The following CHODL variants were observed in gnomAD, a reference collection of about 807,000 sequenced individuals.
The protein encoded by CHODL is transmembrane protein MT75.
Under a neutral mutation model 34.5 loss-of-function variants are expected in CHODL, and 29 were observed. That is an observed-to-expected ratio of 0.84 (90% CI 0.63 to 1.15). The LOEUF is 1.15. Among genes scored for constraint, CHODL ranks in the 50% most tolerant of loss-of-function variants. The probability of loss-of-function intolerance (pLI) is 0.00; values close to 1 mark genes in which losing one functional copy is unlikely to be tolerated. For missense variants in CHODL, 332 were observed against 332.5 expected, an observed-to-expected ratio of 1.00 and a Z score of 0.01; for synonymous variants, 125 against 116.1, an observed-to-expected ratio of 1.08 and a Z score of -0.49.
intron 2 of CHODL, among the ~76,000 whole-genome samples, chr21:18,192,127 A>G (rs531403224): frequency 6.6e-6 from 1 of 152,288 alleles, no homozygotes; most frequent in Non-Finnish European, 1.5e-5. Flanking sequence ...CCTTCTCAAC[A>G]CAAGCTTATG....
At chr21:18,173,177 C>A (rs1255979451) in intron 2 of CHODL, among the ~76,000 whole-genome samples, 1 of 152,150 alleles carries the variant, frequency 6.6e-6, no homozygotes, top group African/African-American at 2.4e-5. Flanking sequence ...CATTAGTTAA[C>A]CTAAATTCAA....
At chr21:18,253,579 T>A (rs543676833) in intron 1 of CHODL, among the ~76,000 whole-genome samples, 1 of 152,144 alleles carries the variant, frequency 6.6e-6, no homozygotes, top group African/African-American at 2.4e-5. Flanking sequence ...AGGCTCTGAC[T>A]GAGAACAACC....
chr21:18,242,904 C>T (rs913753095), upstream of CHODL, among the ~76,000 whole-genome samples: 1 of 152,072 alleles, frequency 6.6e-6, no homozygotes, highest in Non-Finnish European at 1.5e-5. Context: ...GACATTTGGG[C>T]CTACTGATAT....
intron 2 of CHODL, among the ~76,000 whole-genome samples, chr21:18,230,206 A>C (rs912740839): frequency 3.3e-5 from 5 of 152,122 alleles, no homozygotes; most frequent in African/African-American, 1.2e-4. Context: ...TCCTGGCTCC[A>C]CATGAAGTTT....
In CHODL at chr21:17,963,753, C is replaced by A. The variant is rs76537954; in HGVS notation, c.-145+46353C>A. Among the ~76,000 whole-genome samples the A allele has an allele frequency of 4.9e-3, 739 of 151,290 alleles. 4 individuals carry two copies. The highest frequency in any genetic ancestry group is 0.017 in the African/African-American group (684 of 41,194). On this transcript the variant is annotated intron_variant, in intron 1 of 6. Coordinates refer to the CHODL transcript ENST00000400127. ...TTTTTTTTTTCTGTGCCATTGGTTT[C>A]TGTATCTTTTTAAAGCTTCTCTCTA...
intron 1 of CHODL, among the ~76,000 whole-genome samples, chr21:17,982,696 CTTTTTTTTT>C (rs397867753): frequency 4.0e-4 from 25 of 63,014 alleles, no homozygotes; most frequent in Admixed American, 2.3e-3. Context: ...TATATATATT[CTTTTTTTTT>C]TTTTTTTTTT....
At position 18,257,031 on chromosome 21, in the gene CHODL, C is replaced by A. The variant is rs1351268027; in HGVS notation, c.451C>A (p.Pro151Thr). The change falls in exon 3 of 6, where the codon CCA (proline) becomes ACA (threonine). Residue 151 changes from proline (P) to threonine (T), a missense_variant. By Grantham distance (38) the Pro-to-Thr change is conservative. Coordinates refer to ENST00000299295, the MANE Select transcript of CHODL (RefSeq NM_024944.3). ...AAAGTGTGTTGTGATGTATCACCAA[C>A]CAACTGCCAATCCTGGCCTTGGGGG... ...SEKCVVMYHQ[P>T]TANPGLGGPY... 5.6e-6 allele frequency: 9 copies of A among 1,613,896 alleles called. No homozygotes were observed. The highest frequency in any genetic ancestry group is 1.7e-5 in the Admixed American group (1 of 59,968).
At chr21:18,193,755 C>G (rs911272078) in intron 2 of CHODL, among the ~76,000 whole-genome samples, 5 of 146,988 alleles carry the variant, frequency 3.4e-5, no homozygotes, top group Admixed American at 2.7e-4. Context: ...AAAAAATAAA[C>G]TTAAAAAAAA....
At chr21:17,925,111 G>C (rs553293550) in intron 1 of CHODL, among the ~76,000 whole-genome samples, 1 of 152,218 alleles carries the variant, frequency 6.6e-6, no homozygotes, top group Non-Finnish European at 1.5e-5. Context: ...ACTAGTGGCC[G>C]TGTGGGGTGG....
intron 2 of CHODL, among the ~76,000 whole-genome samples, chr21:18,053,472 T>A (rs996533516): frequency 3.3e-5 from 5 of 151,964 alleles, no homozygotes; most frequent in Middle Eastern, 6.8e-3. Context: ...CATGATTAAT[T>A]TGTCATGGCT....
At chr21:17,973,881 T>TCCTTCTCTTCC in intron 1 of CHODL, among the ~76,000 whole-genome samples, 1 of 152,186 alleles carries the variant, frequency 6.6e-6, no homozygotes, top group South Asian at 2.1e-4. Flanking sequence ...TATGCTCTTC[T>TCCTTCTCTTCC]CCTTCTCTTC....
At chr21:17,992,664 G>A (rs2063806811) in intron 1 of CHODL, among the ~76,000 whole-genome samples, 1 of 140,158 alleles carries the variant, frequency 7.1e-6, no homozygotes, top group Non-Finnish European at 1.5e-5. Context: ...TTGATTTTGT[G>A]TCCTACAACT....
At chr21:18,264,331 A>G (rs1212592325) in intron 5 of CHODL, among the ~76,000 whole-genome samples, 2 of 152,178 alleles carry the variant, frequency 1.3e-5, no homozygotes, top group Non-Finnish European at 2.9e-5. Context: ...AACCAGCCCA[A>G]AGAAATCTAC....
At chr21:18,025,621 T>C (rs1336346371) in intron 1 of CHODL, among the ~76,000 whole-genome samples, 1 of 152,182 alleles carries the variant, frequency 6.6e-6, no homozygotes, top group Admixed American at 6.5e-5. Flanking sequence ...TTTTGTTGCG[T>C]TAATTGGCAT....
intron 2 of CHODL, among the ~76,000 whole-genome samples, chr21:18,086,472 T>G (rs1195281551): frequency 1.3e-5 from 2 of 152,224 alleles, no homozygotes; most frequent in African/African-American, 4.8e-5. Flanking sequence ...GCATCTGGTA[T>G]AGCAGTTACA....
chr21:17,965,355 CTA>C (rs770362043), intron 1 of CHODL, among the ~76,000 whole-genome samples: 26 of 152,264 alleles, frequency 1.7e-4, no homozygotes, highest in Non-Finnish European at 3.2e-4. Context: ...GTTCTTACCT[CTA>C]TCTCATCTTT....
intron 1 of CHODL, among the ~76,000 whole-genome samples, chr21:17,947,162 T>C (rs2063417064): frequency 6.6e-6 from 1 of 152,150 alleles, no homozygotes; most frequent in Non-Finnish European, 1.5e-5. Flanking sequence ...CTAGTACTTG[T>C]TCTGATCATA....
chr21:18,226,635 T>C (rs1010021180), intron 2 of CHODL, among the ~76,000 whole-genome samples: 6 of 152,172 alleles, frequency 3.9e-5, no homozygotes, highest in African/African-American at 1.4e-4. Flanking sequence ...GAAAATACTC[T>C]TCCTGTCTCT....
intron 1 of CHODL, among the ~76,000 whole-genome samples, chr21:17,949,406 CTG>C (rs1445132759): frequency 3.9e-5 from 6 of 152,038 alleles, no homozygotes; most frequent in South Asian, 2.1e-4. Flanking sequence ...TAGTTAAAGA[CTG>C]TGAAAAAAAA....
Sources: gnomAD v4.1 joint callset for allele counts (sites outside exome capture counted in the v4.1 genomes callset) on GRCh38, gnomAD v4.1.1 for gene constraint, MANE v1.5 for transcripts, NCBI Gene and HGNC (gene_info 2026-07-23, HGNC 2026-07-21) for gene names.